The following GABARAPL2 variants were observed in gnomAD, a reference collection of about 807,000 sequenced individuals.
GABARAPL2 encodes GABA type A receptor associated protein like 2.
Under a neutral mutation model 16.9 loss-of-function variants are expected in GABARAPL2, and 11 were observed. The observed-to-expected ratio is 0.65, with a 90% CI of 0.41 to 1.08. The LOEUF is 1.08. GABARAPL2 is among the 50% of genes least tolerant of loss of function. The probability of loss-of-function intolerance (pLI) is 0.00; values close to 1 mark genes in which losing one functional copy is unlikely to be tolerated. For missense variants in GABARAPL2, 134 were observed against 142.5 expected (o/e 0.94, Z 0.30); for synonymous variants, 57 against 50.7 (o/e 1.12, Z -0.53).
intron 3 of GABARAPL2, among the ~76,000 whole-genome samples, chr16:75,570,417 T>C (rs1306918655): frequency 6.6e-6 from 1 of 152,176 alleles, no homozygotes; most frequent in African/African-American, 2.4e-5. Flanking sequence ...CAAGACAATT[T>C]AGCAGCCTCT....
At chr16:75,568,308 C>T (rs2080895907) in intron 3 of GABARAPL2, 99 bp downstream of exon 3, 1 of 773,258 alleles carries the variant, frequency 1.3e-6, no homozygotes, top group Non-Finnish European at 2.1e-6. Flanking sequence ...CTTAGGGGTC[C>T]TGACTAGAAA....
intron 3 of GABARAPL2, among the ~76,000 whole-genome samples, chr16:75,570,213 A>T (rs2080907341): frequency 6.6e-6 from 1 of 152,110 alleles, no homozygotes; most frequent in African/African-American, 2.4e-5. Context: ...CTCTCACCTC[A>T]GCCTCCCTAA....
intron 2 of GABARAPL2, among the ~76,000 whole-genome samples, chr16:75,567,332 G>T (rs977564262): frequency 6.6e-6 from 1 of 152,152 alleles, no homozygotes; most frequent in Admixed American, 6.5e-5. Context: ...ATCTCACCTT[G>T]ACCCTGTCAT....
chr16:75,568,363 T>C, intron 3 of GABARAPL2, 154 bp downstream of exon 3: 2 of 564,376 alleles, frequency 3.5e-6, no homozygotes, highest in Non-Finnish European at 6.5e-6. Flanking sequence ...AGGAAAATAA[T>C]GGCTGCAATA....
chr16:75,571,877 A>C (rs1024746871), intron 3 of GABARAPL2, among the ~76,000 whole-genome samples: 23 of 151,678 alleles, frequency 1.5e-4, no homozygotes, highest in African/African-American at 5.3e-4. Flanking sequence ...GGGTTTTACC[A>C]TGTTGGCCAG....
chr16:75,573,453 C>A (rs149632057), intron 3 of GABARAPL2, among the ~76,000 whole-genome samples: 24 of 152,360 alleles, frequency 1.6e-4, no homozygotes, highest in African/African-American at 5.8e-4. Flanking sequence ...TACCAAGTTC[C>A]TTGCCCAAGG....
intron 1 of GABARAPL2, 55 bp downstream of exon 1, chr16:75,566,575 C>T (rs936899634): frequency 6.3e-7 from 1 of 1,591,628 alleles, no homozygotes; most frequent in Non-Finnish European, 8.6e-7. Flanking sequence ...GGGTGGGCCC[C>T]CTCCCCCACT....
At chr16:75,570,246 G>T (rs1294694887) in intron 3 of GABARAPL2, among the ~76,000 whole-genome samples, 1 of 152,120 alleles carries the variant, frequency 6.6e-6, no homozygotes, top group Non-Finnish European at 1.5e-5. Context: ...GACCACAGGT[G>T]CATGTCACCA....
Position 75,566,471 on chromosome 16 carries a change from C to G in GABARAPL2, c.-16C>G. 1.2e-6 allele frequency: 2 copies of G among 1,601,892 alleles called. No homozygotes were observed. The highest frequency in any genetic ancestry group is 4.6e-5 in the East Asian group (2 of 43,834). On this transcript the variant is annotated 5_prime_UTR_variant, in exon 1 of 4. Transcript: ENST00000037243. ...GCGGCTCCGCGAGCCGGTTCCGTCC[C>G]CTTCCCGCCGCCGCCATGAAGTGGA...
In GABARAPL2 at chr16:75,566,390, T is replaced by TCGCTGC. The variant is rs928334431; in HGVS notation, c.-81_-76dup. On this transcript the variant is annotated 5_prime_UTR_variant, in exon 1 of 4. Coordinates refer to ENST00000037243, the MANE Select transcript of GABARAPL2 (RefSeq NM_007285.7). The stretch of plus-strand genomic sequence containing the variant: ...CCCGCCTGCCGTGTAGTCGCCGCCG[T>TCGCTGC]CGCTGCCGCTGCCGCTGCCGCCGTC... The TCGCTGC allele has an allele frequency of 2.8e-4, 259 of 920,146 alleles. No individual in the cohort carries two copies. Among genetic ancestry groups the TCGCTGC allele is most frequent in the African/African-American group, 1.4e-3 (83 of 58,164 alleles). The allele number at this position is 920,146 out of a possible 1,614,324, so 57.0% of individuals were successfully genotyped here. A position where few individuals can be genotyped will look rare whatever the true frequency, so the allele number is the denominator to read the frequency against.
In GABARAPL2 at chr16:75,566,886, G is replaced by T; in HGVS notation, c.69G>T (p.Ala23=). 6.2e-7 allele frequency: 1 copy of T among 1,613,568 alleles called. No individual in the cohort carries two copies. Among genetic ancestry groups the T allele is most frequent in the Non-Finnish European group, 8.5e-7 (1 of 1,179,830 alleles). ...HRCVESAKIR[A]KYPDRVPVIV... The stretch of plus-strand genomic sequence containing the variant: ...GCGTGGAGTCCGCGAAGATTCGAGC[G>T]AAATATCCCGACAGGGTTCCGGTGA... The change falls in exon 2 of 4, where the codon GCG becomes GCT. Residue 23 remains alanine (A), a synonymous_variant. Coordinates refer to ENST00000037243, the MANE Select transcript of GABARAPL2 (RefSeq NM_007285.7).
chr16:75,566,662 G>A (rs2080884897), intron 1 of GABARAPL2, 142 bp downstream of exon 1: 2 of 1,036,686 alleles, frequency 1.9e-6, no homozygotes, highest in African/African-American at 3.2e-5. Flanking sequence ...GGTGCCTCGG[G>A]CAGCGGCCCC....
intron 2 of GABARAPL2, 28 bp from the exon 3 acceptor site, chr16:75,568,009 C>A (rs570092183): frequency 1.9e-6 from 3 of 1,561,434 alleles, no homozygotes; most frequent in East Asian, 2.3e-5. Flanking sequence ...TTAGGAAACA[C>A]AGTCCTGACC....
At position 75,566,817 on chromosome 16, in the gene GABARAPL2, G is replaced by C. The variant is rs200373287; in HGVS notation, c.35-35G>C. The C allele has an allele frequency of 3.6e-3, 5,796 of 1,601,572 alleles. 15 individuals are homozygous for C. Among genetic ancestry groups the C allele is most frequent in the Non-Finnish European group, 4.5e-3 (5,231 of 1,170,870 alleles). On this transcript the variant is annotated intron_variant, in intron 1 of 3. Coordinates refer to ENST00000037243, the MANE Select transcript of GABARAPL2 (RefSeq NM_007285.7). ...GGGGCCGGGAACCGACCGGTGGGCA[G>C]GCGCGGCCGTCAGCCCCGTTTGTTT...
At chr16:75,572,032 G>A (rs540422648) in intron 3 of GABARAPL2, among the ~76,000 whole-genome samples, 1 of 151,370 alleles carries the variant, frequency 6.6e-6, no homozygotes, top group South Asian at 2.1e-4. Context: ...GTGTGGTGGC[G>A]GTCGCCGGTA....
chr16:75,567,013 G>T (rs538606117), intron 2 of GABARAPL2, 106 bp downstream of exon 2: 108 of 994,160 alleles, frequency 1.1e-4, no homozygotes, highest in Non-Finnish European at 1.5e-4. Flanking sequence ...TCCAGTCCCA[G>T]TTACAGTAGC....
At chr16:75,567,939 C>T in intron 2 of GABARAPL2, 98 bp from the exon 3 acceptor site, 1 of 832,228 alleles carries the variant, frequency 1.2e-6, no homozygotes, top group Non-Finnish European at 1.9e-6. Context: ...GTTCCCCACC[C>T]ACCTCCTTGC....
chr16:75,577,621 TC>T lies in GABARAPL2; in HGVS notation c.*253del. On this transcript the variant is annotated 3_prime_UTR_variant, in exon 4 of 4. Transcript: ENST00000037243. ...TCCAGGAAACTTGTCCTTCTGGAAA[TC>T]ATATTGAATGATATTTCTATATCGA... is the stretch of plus-strand genomic sequence containing the variant. 2.7e-6 allele frequency: 1 copy of T among 372,824 alleles called. No individual in the cohort carries two copies. The highest frequency in any genetic ancestry group is 4.9e-6 in the Non-Finnish European group (1 of 204,812). The allele number at this position is 372,824 out of a possible 1,614,324, so 23.1% of individuals were successfully genotyped here.
intron 3 of GABARAPL2, among the ~76,000 whole-genome samples, chr16:75,573,757 G>A (rs1438905546): frequency 1.3e-5 from 2 of 152,204 alleles, no homozygotes; most frequent in Non-Finnish European, 2.9e-5. Context: ...GGACTCTAAT[G>A]TTAGGTCATC....
Sources: gnomAD v4.1 joint callset for allele counts (sites outside exome capture counted in the v4.1 genomes callset) on GRCh38, gnomAD v4.1.1 for gene constraint, MANE v1.5 for transcripts, NCBI Gene and HGNC (gene_info 2026-07-23, HGNC 2026-07-21) for gene names.